The following LRRK1 variants were observed in gnomAD, a reference collection of about 807,000 sequenced individuals.
LRRK1 encodes leucine-rich repeat serine/threonine-protein kinase 1.
In LRRK1, 113 loss-of-function variants were observed where a neutral mutation model predicts 209.1. The observed-to-expected ratio is 0.54, with a 90% confidence interval of 0.46 to 0.63. The LOEUF is 0.63. Among genes scored for constraint, LRRK1 ranks in the 30% least tolerant of loss-of-function variants. The pLI is 0.00. For missense variants in LRRK1, 2,284 were observed against 2,632.2 expected, an observed-to-expected ratio of 0.87 and a Z score of 2.89; for synonymous variants, 1,144 against 1,099.7, an observed-to-expected ratio of 1.04 and a Z score of -0.80.
At chr15:100,962,816 T>TACACATATATATATATATAC (rs2030125624) in intron 2 of LRRK1, among the ~76,000 whole-genome samples, 2 of 32,730 alleles carry the variant, frequency 6.1e-5, no homozygotes, top group Non-Finnish European at 1.4e-4. Flanking sequence ...TATATATATA[T>TACACATATATATATATATAC]ATATATATTT....
Position 101,024,818 on chromosome 15 carries a change from T to C in LRRK1, c.2083T>C (p.Phe695Leu). ...GSRAKVESVE[F>L]NVWDIGGPAS... Reference sequence around the variant, plus strand: ...GCTCAAGTAGGTTGAGTCCGTGGAGTTCAACGTCTGGGACATCGGGGGACC... The same window carrying C: ...GCTCAAGTAGGTTGAGTCCGTGGAGCTCAACGTCTGGGACATCGGGGGACC... The change falls in exon 16 of 34, where the codon TTC becomes CTC. Residue 695 changes from phenylalanine to leucine, a missense_variant. Phe to Leu is a conservative substitution (Grantham distance 22, BLOSUM62 0). This residue lies in a region of LRRK1 where 780 missense variants were observed against 985.2 expected (regional missense o/e 0.79). Transcript: ENST00000388948. This position sits in a 1 kb window ranked among gnomAD's most constrained non-coding sequence, Gnocchi z 4.6. The C allele has an allele frequency of 6.2e-7, 1 of 1,613,494 alleles. No individual in the cohort carries two copies. Among genetic ancestry groups the C allele is most frequent in the South Asian group, 1.1e-5 (1 of 91,044 alleles).
At chr15:101,023,464 C>T (rs2033887592) in intron 15 of LRRK1, among the ~76,000 whole-genome samples, 1 of 152,136 alleles carries the variant, frequency 6.6e-6, no homozygotes, top group Non-Finnish European at 1.5e-5. Flanking sequence ...GAACTCCATC[C>T]CTGGAATAGA....
chr15:101,004,728 G>A (rs1373128448), intron 6 of LRRK1, among the ~76,000 whole-genome samples: 1 of 152,196 alleles, frequency 6.6e-6, no homozygotes, highest in African/African-American at 2.4e-5. Context: ...GCAGCCTGAG[G>A]CTGAGCCCCT....
At chr15:100,930,216 C>T (rs948401263) in intron 2 of LRRK1, among the ~76,000 whole-genome samples, 1 of 152,196 alleles carries the variant, frequency 6.6e-6, no homozygotes, top group Non-Finnish European at 1.5e-5. Context: ...TTCTTGGAGT[C>T]ACTAAAAGCA....
chr15:101,006,499 C>G (rs1405215671), intron 6 of LRRK1, among the ~76,000 whole-genome samples: 1 of 152,016 alleles, frequency 6.6e-6, no homozygotes, highest in Admixed American at 6.5e-5. Context: ...GTCAAGGGAT[C>G]CCAGATCAGG....
chr15:101,074,815 T>C lies in LRRK1; in HGVS notation c.*5967T>C, dbSNP rs541120734. ...TCCTCCCCCAGGAGCTTGCTACAAG[T>C]GCCAGAAATCTGGCCACCAGGCCAA... is the stretch of plus-strand genomic sequence containing the variant. On this transcript the variant is annotated 3_prime_UTR_variant, in exon 34 of 34. Coordinates refer to ENST00000388948, the MANE Select transcript of LRRK1 (RefSeq NM_024652.6). The C allele has an allele frequency of 2.0e-5, 3 of 152,088 alleles. No individual in the cohort carries two copies. The highest frequency in any genetic ancestry group is 2.4e-5 in the African/African-American group (1 of 41,412). The allele number at this position is 152,088 out of a possible 1,614,324, so 9.4% of individuals were successfully genotyped here.
intron 31 of LRRK1, 120 bp from the exon 32 acceptor site, chr15:101,065,232 C>G (rs117579101): frequency 0.011 from 13,125 of 1,198,888 alleles, 120 homozygotes; most frequent in Non-Finnish European, 0.012. Flanking sequence ...CCCTGAGGCG[C>G]ACTGGTGGAA....
In LRRK1 at chr15:101,022,520, C is replaced by T; in HGVS notation, c.1990C>T (p.Pro664Ser). The change falls in exon 15 of 34, where the codon CCC becomes TCC. Residue 664 changes from proline to serine, a missense_variant. Coordinates refer to ENST00000388948, the MANE Select transcript of LRRK1 (RefSeq NM_024652.6). This position sits in a 1 kb window ranked among gnomAD's most constrained non-coding sequence, Gnocchi z 4.0. ...LLEILQTGRA[P>S]QVVHGEATIR... ...GGAGATCTTACAGACGGGGAGGGCC[C>T]CCCAGGTGGTGCATGGAGAGGCCAC... 6.2e-7 allele frequency: 1 copy of T among 1,614,148 alleles called. No individual in the cohort carries two copies.
intron 2 of LRRK1, among the ~76,000 whole-genome samples, chr15:100,945,667 A>G (rs1341077985): frequency 6.6e-6 from 1 of 151,380 alleles, no homozygotes; most frequent in Admixed American, 6.6e-5. Flanking sequence ...TAATTTTTGT[A>G]TTTTTAGAAA....
In LRRK1 at chr15:101,022,434, A is replaced by T. The variant is rs2033839853; in HGVS notation, c.1904A>T (p.Lys635Met). Residue 635 changes from lysine (K) to methionine (M), a missense_variant, in exon 15 of 34, where the codon AAG (lysine) becomes ATG (methionine). Around this residue, in one of 6 missense-constraint regions of LRRK1, gnomAD observed 494 missense variants for 522.1 expected, o/e 0.95. Transcript: ENST00000388948. The surrounding 1 kb of genome is among the most constrained non-coding windows in gnomAD (Gnocchi z 4.0). ...YLRAQLRKAE[K>M]CKLMKMIIVG... ...CGTGCTCAGCTGCGGAAAGCGGAAA[A>T]GTGCAAGCTGATGAAGATGATCATC... The T allele has an allele frequency of 1.9e-6, 3 of 1,614,228 alleles. No individual in the cohort carries two copies. The highest frequency in any genetic ancestry group is 8.5e-7 in the Non-Finnish European group (1 of 1,180,042).
chr15:100,989,044 G>A (rs1424578296), intron 5 of LRRK1, among the ~76,000 whole-genome samples: 3 of 152,236 alleles, frequency 2.0e-5, no homozygotes, highest in Non-Finnish European at 4.4e-5. Flanking sequence ...TGGCTAATGG[G>A]ACTGTTGTAC....
intron 23 of LRRK1, 134 bp from the exon 24 acceptor site, chr15:101,051,577 G>A (rs79068682): frequency 8.5e-7 from 1 of 1,170,422 alleles, no homozygotes; most frequent in Non-Finnish European, 1.2e-6. Context: ...GTTTCAGCCT[G>A]TCTCTTGGGT....
In LRRK1 at chr15:101,055,300, C is replaced by A. The variant is rs1422345680; in HGVS notation, c.4332+77C>A. On this transcript the variant is annotated intron_variant, in intron 27 of 33. Transcript: ENST00000388948. ...CAGGCTAGCCGGGCAGTCCTGGAGG[C>A]ACCTGAAGCTTCGGGGCTCAGCATC... 3.7e-6 allele frequency: 5 copies of A among 1,367,266 alleles called. No homozygotes were observed. The East Asian group carries it at 1.1e-4, about 29-fold the overall frequency. 84.7% of individuals were successfully genotyped at this position (1,367,266 alleles called of 1,614,324 possible).
intron 3 of LRRK1, among the ~76,000 whole-genome samples, chr15:100,974,476 A>T (rs1567210012): frequency 6.6e-6 from 1 of 152,194 alleles, no homozygotes; most frequent in East Asian, 1.9e-4. Context: ...GACAGATTGC[A>T]TATATGGTGA....
intron 20 of LRRK1, among the ~76,000 whole-genome samples, chr15:101,031,183 A>T (rs2034263976): frequency 6.6e-6 from 1 of 152,224 alleles, no homozygotes; most frequent in Non-Finnish European, 1.5e-5. Context: ...ACTTTTGACA[A>T]ATGCATACAA....
intron 12 of LRRK1, among the ~76,000 whole-genome samples, chr15:101,016,671 G>T (rs542029225): frequency 6.6e-6 from 1 of 152,354 alleles, no homozygotes; most frequent in South Asian, 2.1e-4. Flanking sequence ...TGACTGATTT[G>T]TCCCAGGTTG....
chr15:100,953,015 T>C (rs1324143314), intron 2 of LRRK1, among the ~76,000 whole-genome samples: 1 of 152,240 alleles, frequency 6.6e-6, no homozygotes, highest in Non-Finnish European at 1.5e-5. Context: ...ATAAAAATTA[T>C]ATATTTCATG....
At chr15:101,056,164 T>C (rs1324208658) in intron 27 of LRRK1, among the ~76,000 whole-genome samples, 1 of 152,236 alleles carries the variant, frequency 6.6e-6, no homozygotes, top group African/African-American at 2.4e-5. Context: ...TCTTGACCCT[T>C]ATAGGGGTCT....
chr15:101,058,258 C>T, intron 29 of LRRK1, 117 bp downstream of exon 29: 2 of 1,032,302 alleles, frequency 1.9e-6, no homozygotes, highest in Non-Finnish European at 2.8e-6. Flanking sequence ...CGGTAGGGTC[C>T]AGAACCTGGT....
Sources: allele counts gnomAD v4.1 joint callset (sites outside exome capture counted in the v4.1 genomes callset), GRCh38; gene constraint gnomAD v4.1.1; regional missense constraint gnomAD v4.1.1; non-coding constraint Gnocchi (gnomAD v3.1); transcripts MANE v1.5; gene names NCBI Gene and HGNC (gene_info 2026-07-23, HGNC 2026-07-21).